The following ATXN10 variants were observed in gnomAD, a reference collection of about 807,000 sequenced individuals.
The protein encoded by ATXN10 is ataxin 10, also known as ataxin-10.
A neutral mutation model predicts 52.9 loss-of-function variants in ATXN10; 28 were observed. That is an observed-to-expected ratio of 0.53 (90% CI 0.39 to 0.73). The LOEUF is 0.73. ATXN10 is among the 30% of genes least tolerant of loss of function. The pLI is 0.00. For missense variants in ATXN10, 565 were observed against 577.0 expected, an observed-to-expected ratio of 0.98 and a Z score of 0.21; for synonymous variants, 226 against 221.5, an observed-to-expected ratio of 1.02 and a Z score of -0.18.
At chr22:45,799,438 G>A (rs1927860889) in intron 9 of ATXN10, among the ~76,000 whole-genome samples, 1 of 152,136 alleles carries the variant, frequency 6.6e-6, no homozygotes, top group African/African-American at 2.4e-5. Context: ...TACTGGAGGA[G>A]GATGGGCCCC....
intron 10 of ATXN10, among the ~76,000 whole-genome samples, chr22:45,831,206 AG>A (rs1250586043): frequency 6.6e-6 from 1 of 152,162 alleles, no homozygotes; most frequent in Non-Finnish European, 1.5e-5. Flanking sequence ...GAGAGAAGAA[AG>A]GGAATTACTG....
chr22:45,682,372 AG>A (rs1406841391), intron 1 of ATXN10, among the ~76,000 whole-genome samples: 1 of 151,820 alleles, frequency 6.6e-6, no homozygotes, highest in Admixed American at 6.6e-5. Context: ...GCTGGAGTGC[AG>A]GGGCACGATC....
intron 2 of ATXN10, 36 bp downstream of exon 2, chr22:45,689,939 T>C (rs751754151): frequency 6.3e-7 from 1 of 1,596,620 alleles, no homozygotes; most frequent in South Asian, 1.1e-5. Context: ...TGTTTCTTTG[T>C]ATATGTGCAT....
chr22:45,811,860 C>CT (rs1569074839), intron 10 of ATXN10: 1 of 451,780 alleles, frequency 2.2e-6, no homozygotes, highest in African/African-American at 2.0e-5. Context: ...TCATTCCTCT[C>CT]TGATTCTCCC....
At chr22:45,698,848 C>T (rs910289858) in intron 3 of ATXN10, among the ~76,000 whole-genome samples, 4 of 152,134 alleles carry the variant, frequency 2.6e-5, no homozygotes, top group African/African-American at 4.8e-5. Context: ...TTAGTTCAAA[C>T]CTAATACAAA....
chr22:45,700,731 A>T (rs933369226), intron 4 of ATXN10, among the ~76,000 whole-genome samples: 1 of 152,224 alleles, frequency 6.6e-6, no homozygotes, highest in South Asian at 2.1e-4. Flanking sequence ...AGGACACTGA[A>T]ATTTATAAGA....
chr22:45,785,882 A>G (rs1157652118), intron 9 of ATXN10, among the ~76,000 whole-genome samples: 1 of 152,230 alleles, frequency 6.6e-6, no homozygotes, highest in Non-Finnish European at 1.5e-5. Context: ...TTGCATTCCA[A>G]ATCAGTTGAA....
intron 9 of ATXN10, among the ~76,000 whole-genome samples, chr22:45,751,057 A>C (rs1340979087): frequency 6.6e-6 from 1 of 151,878 alleles, no homozygotes; most frequent in Non-Finnish European, 1.5e-5. Flanking sequence ...CAGCCTCCTG[A>C]GTAGCTGGGA....
In ATXN10 at chr22:45,763,155, C is replaced by T. The variant is rs1271737311; in HGVS notation, c.1173+22617C>T. Among the ~76,000 whole-genome samples, 2 of 152,176 alleles carry T rather than the reference C, an allele frequency of 1.3e-5. No individual in the cohort carries two copies. Among genetic ancestry groups the T allele is most frequent in the African/African-American group, 4.8e-5 (2 of 41,446 alleles). On this transcript the variant is annotated intron_variant, in intron 9 of 11. Transcript: ENST00000252934. The surrounding 1 kb of genome is among the most constrained non-coding windows in gnomAD (Gnocchi z 6.9). ...TTCTGTGGCCTTCCTACCCCCTCTC[C>T]CTCACCCTGGTGACTCTCAGTTGGG...
chr22:45,824,516 G>C lies in ATXN10; in HGVS notation c.1237+17494G>C, dbSNP rs1274671353. Reference sequence around the variant, plus strand: ...GCTGTGTCCCCCTTCCATAGTGATTGTCTTTACTTTCCATCCCTTAGTTGA... The same window carrying C: ...GCTGTGTCCCCCTTCCATAGTGATTCTCTTTACTTTCCATCCCTTAGTTGA... On this transcript the variant is annotated intron_variant, in intron 10 of 11. Transcript: ENST00000252934. The surrounding 1 kb of genome is among the most constrained non-coding windows in gnomAD (Gnocchi z 5.2). Among the ~76,000 whole-genome samples, 2 of 152,128 alleles carry C rather than the reference G, an allele frequency of 1.3e-5. No individual in the cohort carries two copies. Among genetic ancestry groups the C allele is most frequent in the Non-Finnish European group, 2.9e-5 (2 of 68,026 alleles).
chr22:45,711,077 A>G (rs1924228727), intron 5 of ATXN10, among the ~76,000 whole-genome samples: 1 of 152,176 alleles, frequency 6.6e-6, no homozygotes, highest in African/African-American at 2.4e-5. Context: ...AAAGTGACTG[A>G]GAGCCTACTT....
intron 9 of ATXN10, among the ~76,000 whole-genome samples, chr22:45,758,938 A>G (rs1026261439): frequency 1.3e-5 from 2 of 152,226 alleles, no homozygotes; most frequent in Non-Finnish European, 2.9e-5. Flanking sequence ...TGACAGTAGG[A>G]GTCATACCTC....
In ATXN10 at chr22:45,751,763, A is replaced by AAATAATAATAATAATAAT. The variant is rs1165303275; in HGVS notation, c.1173+11234_1173+11251dup. On this transcript the variant is annotated intron_variant, in intron 9 of 11. Coordinates refer to ENST00000252934, the MANE Select transcript of ATXN10 (RefSeq NM_013236.4). ...TGGAAAAAAAAAAAAAATAAAAAAA[A>AAATAATAATAATAATAAT]AATAATAATAATAATAATAATAATA... is the stretch of plus-strand genomic sequence containing the variant. Among the ~76,000 whole-genome samples, 56 of 66,604 alleles carry AAATAATAATAATAATAAT rather than the reference A, an allele frequency of 8.4e-4. No homozygotes were observed. The Middle Eastern group carries it at 0.036, about 43-fold the overall frequency. The allele number at this position is 66,604 out of a possible 152,430, so 43.7% of individuals were successfully genotyped here. A position where few individuals can be genotyped will look rare whatever the true frequency, so the allele number is the denominator to read the frequency against.
intron 9 of ATXN10, among the ~76,000 whole-genome samples, chr22:45,803,495 G>GA (rs1467871769): frequency 6.6e-6 from 1 of 152,162 alleles, no homozygotes; most frequent in Non-Finnish European, 1.5e-5. Flanking sequence ...CTATGAGCGT[G>GA]AAAACCAACC....
chr22:45,738,878 A>G (rs1347081368), intron 8 of ATXN10, 39 bp downstream of exon 8: 6 of 1,525,672 alleles, frequency 3.9e-6, no homozygotes, highest in Non-Finnish European at 4.5e-6. Flanking sequence ...TAGCTAAGAA[A>G]TCTTTGGCTT....
In ATXN10 at chr22:45,727,132, C is replaced by G. The variant is rs1278575828; in HGVS notation, c.729-2293C>G. Among the ~76,000 whole-genome samples, 2 of 152,174 alleles carry G rather than the reference C, an allele frequency of 1.3e-5. No individual in the cohort carries two copies. The highest frequency in any genetic ancestry group is 2.4e-5 in the African/African-American group (1 of 41,442). Reference sequence around the variant, plus strand: ...CCAGAAGTTTTGATAAATTATATCTCTGTTATCATTTATTTTGAATAACTT... The same window carrying G: ...CCAGAAGTTTTGATAAATTATATCTGTGTTATCATTTATTTTGAATAACTT... On this transcript the variant is annotated intron_variant, in intron 6 of 11. Coordinates refer to ENST00000252934, the MANE Select transcript of ATXN10 (RefSeq NM_013236.4). This position sits in a 1 kb window ranked among gnomAD's most constrained non-coding sequence, Gnocchi z 4.6.
chr22:45,699,772 G>A (rs997372270), intron 3 of ATXN10, among the ~76,000 whole-genome samples: 1 of 151,660 alleles, frequency 6.6e-6, no homozygotes, highest in African/African-American at 2.4e-5. Flanking sequence ...GGGATTACGG[G>A]TGTGAGCCAC....
intron 6 of ATXN10, among the ~76,000 whole-genome samples, chr22:45,720,686 G>A (rs1182034193): frequency 6.6e-6 from 1 of 152,164 alleles, no homozygotes; most frequent in South Asian, 2.1e-4. Context: ...CTGAAAAGAG[G>A]AAGTTTGGGC....
rs931159412 is a variant in ATXN10, at chr22:45,728,633, G to A, written c.729-792G>A. ...TCTTCTATAGAAATTAGAATTATAC[G>A]TATAATCCCAAATCAAAATGTAATT... is the stretch of plus-strand genomic sequence containing the variant. On this transcript the variant is annotated intron_variant, in intron 6 of 11. Coordinates refer to ENST00000252934, the MANE Select transcript of ATXN10 (RefSeq NM_013236.4). This position sits in a 1 kb window ranked among gnomAD's most constrained non-coding sequence, Gnocchi z 4.3. 6.6e-6 allele frequency among the ~76,000 whole-genome samples: 1 copy of A among 152,028 alleles called. No individual in the cohort carries two copies. The highest frequency in any genetic ancestry group is 6.5e-5 in the Admixed American group (1 of 15,270).
Sources: allele counts gnomAD v4.1 joint callset (sites outside exome capture counted in the v4.1 genomes callset), GRCh38; gene constraint gnomAD v4.1.1; non-coding constraint Gnocchi (gnomAD v3.1); transcripts MANE v1.5; gene names NCBI Gene and HGNC (gene_info 2026-07-23, HGNC 2026-07-21).